Variants in ZBED6 observed in about 807,000 individuals in gnomAD.
ZBED6 encodes the protein zinc finger BED-type containing 6.
In ZBED6, 40 loss-of-function variants were observed where a neutral mutation model predicts 58.4. That is an observed-to-expected ratio of 0.68 (90% confidence interval 0.53 to 0.89). The LOEUF is 0.89. ZBED6 is among the 40% of genes least tolerant of loss of function. ZBED6 has a pLI of 0.00. For synonymous variants in ZBED6, 439 were observed against 350.6 expected (o/e 1.25, Z -2.82); for missense variants, 1,057 against 1,003.9 (o/e 1.05, Z -0.71).
chr1:203,831,357 T>C (rs1458349145), intron 7 of ZBED6, among the ~76,000 whole-genome samples: 1 of 152,170 alleles, frequency 6.6e-6, no homozygotes, highest in African/African-American at 2.4e-5. Flanking sequence ...CTAGTGTACC[T>C]CTGAGGTTAA....
intron 1 of ZBED6, among the ~76,000 whole-genome samples, chr1:203,808,034 G>A (rs1253856721): frequency 6.6e-6 from 1 of 152,016 alleles, no homozygotes; most frequent in Non-Finnish European, 1.5e-5. Flanking sequence ...GAGCCACCAT[G>A]CCTGGCCTGT....
exon 1 of ZBED6, chr1:203,798,434 A>G: frequency 6.5e-7 from 1 of 1,535,544 alleles, no homozygotes; most frequent in Non-Finnish European, 8.7e-7. Context: ...TAGGGACTTC[A>G]ACACTTCAAC....
At chr1:203,813,417 T>G (rs1675192921) in intron 1 of ZBED6, among the ~76,000 whole-genome samples, 2 of 152,184 alleles carry the variant, frequency 1.3e-5, no homozygotes. Flanking sequence ...GGTTTTCTTT[T>G]GTATTTAAGT....
exon 12 of ZBED6, chr1:203,847,559 C>T (rs1572358687): frequency 3.1e-6 from 5 of 1,613,868 alleles, no homozygotes; most frequent in East Asian, 2.2e-5. Context: ...CACATCAAGA[C>T]GCTGGAAGAA....
chr1:203,845,199 C>G (rs975024724), intron 11 of ZBED6, among the ~76,000 whole-genome samples: 2 of 152,162 alleles, frequency 1.3e-5, no homozygotes, highest in African/African-American at 4.8e-5. Flanking sequence ...TATGCTCTGC[C>G]AGTGACATCC....
rs531333306 is a variant in ZBED6, at chr1:203,844,729, A to G, written c.*3742-2455A>G. Among the ~76,000 whole-genome samples, 7 of 152,194 alleles carry G rather than the reference A, an allele frequency of 4.6e-5. No individual in the cohort carries two copies. In the South Asian group the frequency reaches 1.4e-3, roughly 32 times the overall value. On this transcript the variant is annotated intron_variant, in intron 11 of 16. Coordinates refer to ENST00000550078, the Ensembl canonical transcript of ZBED6. ...AACAGGCAGCTTGTATGGACTGAAG[A>G]TGGGAGGTCTGGGGGCTCATACAAT...
intron 16 of ZBED6, 107 bp from the exon 17 acceptor site, chr1:203,852,034 T>G: frequency 7.0e-6 from 8 of 1,142,030 alleles, no homozygotes; most frequent in Non-Finnish European, 1.0e-5. Flanking sequence ...TTTCTTTATG[T>G]ATGTTCTTAA....
Position 203,818,556 on chromosome 1 carries a change from C to T in ZBED6, c.*2754-14C>T. 6.2e-7 allele frequency: 1 copy of T among 1,613,796 alleles called. No individual in the cohort carries two copies. On this transcript the variant is annotated splice_polypyrimidine_tract_variant and intron_variant, in intron 2 of 16. Coordinates refer to ENST00000550078, the Ensembl canonical transcript of ZBED6. ...TTCAATGCTACAAATAGAGTGTTCTCTATTTGTTTACAGGGTGACAGCTGC... is the reference window on the plus strand; with the variant it reads ...TTCAATGCTACAAATAGAGTGTTCTTTATTTGTTTACAGGGTGACAGCTGC...
At chr1:203,813,974 T>G (rs1359648752) in intron 1 of ZBED6, among the ~76,000 whole-genome samples, 3 of 150,826 alleles carry the variant, frequency 2.0e-5, no homozygotes, top group African/African-American at 7.3e-5. Flanking sequence ...CATTCTTGTT[T>G]TTTTTTTTTG....
chr1:203,817,090 A>C (rs745660466), exon 2 of ZBED6: 1 of 1,609,648 alleles, frequency 6.2e-7, no homozygotes, highest in Non-Finnish European at 8.5e-7. Context: ...CAAGGAGAAG[A>C]CTGCTATTTT....
At chr1:203,822,939 C>T (rs1679260232) in intron 3 of ZBED6, among the ~76,000 whole-genome samples, 1 of 152,168 alleles carries the variant, frequency 6.6e-6, no homozygotes. Flanking sequence ...GTTCATGTGC[C>T]TGGGGTCAGC....
chr1:203,848,385 G>C, exon 13 of ZBED6: 1 of 1,611,964 alleles, frequency 6.2e-7, no homozygotes, highest in Non-Finnish European at 8.5e-7. Context: ...TCTCAGAGCA[G>C]TATTAGAACA....
exon 1 of ZBED6, chr1:203,800,475 C>A: frequency 6.8e-7 from 1 of 1,466,028 alleles, no homozygotes; most frequent in Admixed American, 2.6e-5. Context: ...TCTTTTTCTC[C>A]ATTTAAAATG....
chr1:203,824,864 C>G (rs531606925), intron 3 of ZBED6, among the ~76,000 whole-genome samples: 4 of 152,020 alleles, frequency 2.6e-5, no homozygotes, highest in Admixed American at 1.3e-4. Flanking sequence ...CAGATCATCT[C>G]AGGAGTTTGA....
intron 1 of ZBED6, among the ~76,000 whole-genome samples, chr1:203,803,659 G>A (rs948433496): frequency 1.3e-5 from 2 of 152,220 alleles, no homozygotes; most frequent in African/African-American, 4.8e-5. Context: ...AGGCTGGAGT[G>A]CAGTGGCATG....
chr1:203,800,635 G>T, exon 1 of ZBED6: 2 of 564,470 alleles, frequency 3.5e-6, no homozygotes, highest in Non-Finnish European at 5.7e-6. Context: ...GAAGATTAAA[G>T]ATTTCATAGC....
chr1:203,814,243 C>T (rs139413988), intron 1 of ZBED6, among the ~76,000 whole-genome samples: 89 of 152,176 alleles, frequency 5.8e-4, no homozygotes, highest in Middle Eastern at 3.4e-3. Flanking sequence ...ATAACCTTTC[C>T]GGCCAGGCGC....
rs924668731 is a variant in ZBED6, at chr1:203,797,395, C to T, written c.-128C>T. 2 of 866,322 alleles carry T rather than the reference C, an allele frequency of 2.3e-6. No homozygotes were observed. The highest frequency in any genetic ancestry group is 1.7e-6 in the Non-Finnish European group (1 of 600,898). 53.7% of individuals were successfully genotyped at this position (866,322 alleles called of 1,614,324 possible). On this transcript the variant is annotated 5_prime_UTR_variant, in exon 1 of 17. It introduces an in-frame stop codon into an upstream open reading frame of the 5' UTR. Coordinates refer to ENST00000550078, the Ensembl canonical transcript of ZBED6. The stretch of plus-strand genomic sequence containing the variant: ...TAACCTGGCTTGGAAGTTATTGGTC[C>T]AGTGGGAATTTGATTCCCCATAGAA...
At position 203,850,046 on chromosome 1, in the gene ZBED6, G is replaced by A. The variant is rs1572377340; in HGVS notation, c.*4638+20G>A. ...GTAAAGGCAAGTATTTCTATACTGT[G>A]TATTGCTTTAGGTTATCAAAATTAC... is the stretch of plus-strand genomic sequence containing the variant. On this transcript the variant is annotated intron_variant, in intron 14 of 16. Transcript: ENST00000550078. 1 of 1,612,322 alleles carries A rather than the reference G, an allele frequency of 6.2e-7. No homozygotes were observed. Among genetic ancestry groups the A allele is most frequent in the East Asian group, 2.2e-5 (1 of 44,850 alleles).
Sources: gnomAD v4.1 joint callset for allele counts (sites outside exome capture counted in the v4.1 genomes callset) on GRCh38, gnomAD v4.1.1 for gene constraint, MANE v1.5 for transcripts, NCBI Gene and HGNC (gene_info 2026-07-23, HGNC 2026-07-21) for gene names.